Variants in ESRP1 observed in about 807,000 individuals in gnomAD.
ESRP1 encodes the protein epithelial splicing regulatory protein 1.
Under a neutral mutation model 81.7 loss-of-function variants are expected in ESRP1, and 33 were observed. That is an observed-to-expected ratio of 0.40 (90% CI 0.31 to 0.54). ESRP1 has a LOEUF of 0.54. Ranked by LOEUF, ESRP1 falls within the 20% of genes least tolerant of loss-of-function variation. ESRP1 has a pLI of 0.41. For missense variants in ESRP1, 672 were observed against 833.1 expected, an observed-to-expected ratio of 0.81 and a Z score of 2.38; for synonymous variants, 320 against 303.3, an observed-to-expected ratio of 1.06 and a Z score of -0.57.
intron 4 of ESRP1, among the ~76,000 whole-genome samples, chr8:94,652,915 G>A (rs1237995493): frequency 6.6e-6 from 1 of 152,122 alleles, no homozygotes; most frequent in Non-Finnish European, 1.5e-5. Flanking sequence ...CAATATACAA[G>A]GTGAAATATT....
At chr8:94,644,176 A>G (rs906952558) in intron 3 of ESRP1, among the ~76,000 whole-genome samples, 12 of 152,226 alleles carry the variant, frequency 7.9e-5, no homozygotes, top group African/African-American at 2.9e-4. Flanking sequence ...GCTGTGGGAA[A>G]AGGAACAGCA....
intron 4 of ESRP1, among the ~76,000 whole-genome samples, chr8:94,653,038 G>A (rs1260302396): frequency 6.6e-6 from 1 of 152,006 alleles, no homozygotes; most frequent in Non-Finnish European, 1.5e-5. Flanking sequence ...AAGCAGTAAA[G>A]TTAATTTTGT....
At chr8:94,646,727 C>T (rs1256565297) in intron 4 of ESRP1, among the ~76,000 whole-genome samples, 1 of 152,078 alleles carries the variant, frequency 6.6e-6, no homozygotes, top group Non-Finnish European at 1.5e-5. Context: ...CTTTTAGCCT[C>T]CCCTGAGTTT....
chr8:94,673,504 T>C (rs1185171613), intron 11 of ESRP1, among the ~76,000 whole-genome samples: 1 of 152,232 alleles, frequency 6.6e-6, no homozygotes, highest in Non-Finnish European at 1.5e-5. Flanking sequence ...AATAAGAAAG[T>C]AGTCCTGTAA....
chr8:94,652,088 A>T (rs1818173197), intron 4 of ESRP1, among the ~76,000 whole-genome samples: 1 of 143,082 alleles, frequency 7.0e-6, no homozygotes, highest in South Asian at 2.2e-4. Context: ...TCTGGGTTCA[A>T]GCAATTCTCC....
intron 4 of ESRP1, among the ~76,000 whole-genome samples, chr8:94,660,746 AAAACAAAC>A (rs146754323): frequency 0.28 from 38,577 of 136,080 alleles, 6,914 homozygotes; most frequent in East Asian, 0.56. Flanking sequence ...AAAAAAAACC[AAAACAAAC>A]AAACAAACAA....
chr8:94,656,615 T>A (rs1051855533), intron 4 of ESRP1, among the ~76,000 whole-genome samples: 1 of 152,266 alleles, frequency 6.6e-6, no homozygotes, highest in Admixed American at 6.5e-5. Flanking sequence ...TCTCTTTTTT[T>A]CTTGCTGTAT....
At chr8:94,676,417 G>T (rs1467801881) in intron 12 of ESRP1, among the ~76,000 whole-genome samples, 2 of 151,290 alleles carry the variant, frequency 1.3e-5, no homozygotes, top group Non-Finnish European at 2.9e-5. Context: ...AATCTATTTG[G>T]TTATCGAAAA....
At chr8:94,678,512 C>A in intron 13 of ESRP1, 141 bp downstream of exon 13, 3 of 971,936 alleles carry the variant, frequency 3.1e-6, no homozygotes, top group Non-Finnish European at 4.4e-6. Flanking sequence ...TATCTCTGAC[C>A]AAGAAGGTTG....
chr8:94,692,902 A>G, intron 14 of ESRP1, 75 bp downstream of exon 14: 12 of 1,467,124 alleles, frequency 8.2e-6, no homozygotes, highest in Non-Finnish European at 1.1e-5. Flanking sequence ...TGCAGCCAGG[A>G]AAGAAACAGA....
chr8:94,703,108 G>GTTTTTTT (rs201767398), intron 15 of ESRP1, among the ~76,000 whole-genome samples: 83 of 128,292 alleles, frequency 6.5e-4, no homozygotes, highest in Middle Eastern at 4.4e-3. Flanking sequence ...GAGATTGATT[G>GTTTTTTT]TTTTTTTTTT....
At chr8:94,656,376 G>A (rs891812877) in intron 4 of ESRP1, among the ~76,000 whole-genome samples, 10 of 151,772 alleles carry the variant, frequency 6.6e-5, no homozygotes, top group Non-Finnish European at 1.5e-4. Context: ...GTGCCACCAC[G>A]CCCGGCTAAT....
At chr8:94,665,677 G>A (rs1157997350) in intron 9 of ESRP1, among the ~76,000 whole-genome samples, 1 of 152,098 alleles carries the variant, frequency 6.6e-6, no homozygotes, top group African/African-American at 2.4e-5. Flanking sequence ...ATTTTTAATA[G>A]AGATGGGGTT....
At chr8:94,654,068 C>T (rs1818282170) in intron 4 of ESRP1, among the ~76,000 whole-genome samples, 2 of 152,168 alleles carry the variant, frequency 1.3e-5, no homozygotes, top group African/African-American at 4.8e-5. Context: ...CCTGTAATCC[C>T]AGCACTTTGG....
Position 94,667,995 on chromosome 8 carries a change from C to T in ESRP1, c.978C>T (p.Val326=). The change falls in exon 10 of 16, where the codon GTC becomes GTT. Residue 326 remains valine (V), a synonymous_variant. Transcript: ENST00000433389. ...VAQFLSKENQ[V]IVRMRGLPFT... ...AGTTTCTCTCCAAGGAAAATCAAGT[C>T]ATTGTCCGCATGCGGGGGCTCCCTT... 6.2e-7 allele frequency: 1 copy of T among 1,611,356 alleles called. No homozygotes were observed. The highest frequency in any genetic ancestry group is 8.5e-7 in the Non-Finnish European group (1 of 1,178,428).
intron 1 of ESRP1, 157 bp from the exon 2 acceptor site, chr8:94,641,799 A>T: frequency 8.8e-7 from 1 of 1,136,176 alleles, no homozygotes; most frequent in Non-Finnish European, 1.2e-6. Flanking sequence ...GGCGGGGGGC[A>T]GGAACGCACC....
chr8:94,706,220 T>A lies in ESRP1; in HGVS notation c.*331T>A. ...CTTCCAGTTAAAGTGGCATCATAGG[T>A]GTTTCCTAAGTTTTAAGTCTTGGAT... On this transcript the variant is annotated 3_prime_UTR_variant, in exon 16 of 16. Transcript: ENST00000433389. 1 of 407,798 alleles carries A rather than the reference T, an allele frequency of 2.5e-6. No homozygotes were observed. The highest frequency in any genetic ancestry group is 4.4e-6 in the Non-Finnish European group (1 of 229,352). 25.3% of individuals were successfully genotyped at this position (407,798 alleles called of 1,614,324 possible).
intron 12 of ESRP1, among the ~76,000 whole-genome samples, chr8:94,674,830 AT>A (rs1402787399): frequency 6.6e-6 from 1 of 152,258 alleles, no homozygotes; most frequent in African/African-American, 2.4e-5. Context: ...TTTAGTACGC[AT>A]TTAAAGGCAA....
At chr8:94,676,230 G>A (rs552871687) in intron 12 of ESRP1, among the ~76,000 whole-genome samples, 182 of 151,544 alleles carry the variant, frequency 1.2e-3, no homozygotes, top group African/African-American at 3.5e-3. Context: ...GAGTGGTGGC[G>A]CACATCTGTG....
Sources: gnomAD v4.1 joint callset for allele counts (sites outside exome capture counted in the v4.1 genomes callset) on GRCh38, gnomAD v4.1.1 for gene constraint, MANE v1.5 for transcripts, NCBI Gene and HGNC (gene_info 2026-07-23, HGNC 2026-07-21) for gene names.